Variants in ZBTB38 observed in about 807,000 individuals in gnomAD.
ZBTB38 encodes zinc finger and BTB domain-containing protein 38.
A neutral mutation model predicts 76.8 loss-of-function variants in ZBTB38; 20 were observed. The observed-to-expected ratio is 0.26, with a 90% CI of 0.18 to 0.38. The LOEUF (loss-of-function observed/expected upper bound fraction) is 0.38, where lower values mean the gene tolerates loss of function less well. ZBTB38 is among the 10% of genes least tolerant of loss of function. The pLI is 1.00. For synonymous variants in ZBTB38, 504 were observed against 544.2 expected (o/e 0.93, Z 1.03); for missense variants, 1,082 against 1,482.3 (o/e 0.73, Z 4.43).
At chr3:141,426,129 G>C in intron 5 of ZBTB38, 1 of 1,289,256 alleles carries the variant, frequency 7.8e-7, no homozygotes, top group Non-Finnish European at 1.0e-6. Flanking sequence ...TCTCAGACAG[G>C]CTGCCCAGAG....
At chr3:141,410,748 C>G (rs1055381925) in intron 5 of ZBTB38, among the ~76,000 whole-genome samples, 16 of 152,184 alleles carry the variant, frequency 1.1e-4, no homozygotes, top group Non-Finnish European at 2.1e-4. Context: ...TTCCATCTTA[C>G]AAAAGCATTT....
intron 4 of ZBTB38, among the ~76,000 whole-genome samples, chr3:141,390,964 G>A (rs1482358858): frequency 6.6e-6 from 1 of 152,112 alleles, no homozygotes; most frequent in Non-Finnish European, 1.5e-5. Flanking sequence ...AGACCAGCCT[G>A]GGCAACATAG....
chr3:141,420,464 A>T (rs767795833), intron 5 of ZBTB38, among the ~76,000 whole-genome samples: 3 of 152,192 alleles, frequency 2.0e-5, no homozygotes, highest in Non-Finnish European at 4.4e-5. Context: ...TCTGGATCTG[A>T]GTTCAAGAGC....
intron 1 of ZBTB38, among the ~76,000 whole-genome samples, chr3:141,360,693 C>A (rs1248080432): frequency 2.6e-5 from 4 of 152,114 alleles, no homozygotes; most frequent in African/African-American, 9.7e-5. Context: ...GATTTCTTCA[C>A]CTCGGCACTA....
chr3:141,394,013 CTTTCTT>C (rs1949697595), intron 4 of ZBTB38, among the ~76,000 whole-genome samples: 1 of 115,842 alleles, frequency 8.6e-6, no homozygotes, highest in African/African-American at 4.9e-5. Context: ...TCTTTCTTTT[CTTTCTT>C]TTTTTTTTTT....
At chr3:141,356,349 C>G (rs1174926082) in intron 1 of ZBTB38, among the ~76,000 whole-genome samples, 1 of 152,078 alleles carries the variant, frequency 6.6e-6, no homozygotes, top group Non-Finnish European at 1.5e-5. Context: ...CCTCGCCCAG[C>G]CTTGCATCCT....
rs193050787 is a variant in ZBTB38, at chr3:141,444,810, A to T, written c.2422A>T (p.Ile808Phe). The change falls in exon 6 of 6, where the codon ATT becomes TTT. Residue 808 changes from isoleucine (I) to phenylalanine (F), a missense_variant. Ile to Phe is a conservative substitution (Grantham distance 21, BLOSUM62 0). Transcript: ENST00000321464. This position sits in a 1 kb window ranked among gnomAD's most constrained non-coding sequence, Gnocchi z 5.1. ...PGGSLSKTTN[I>F]AEETSKIETY... The stretch of plus-strand genomic sequence containing the variant: ...AGGATCACTGAGCAAAACCACAAAT[A>T]TTGCTGAAGAAACCAGCAAAATTGA... 1 of 1,614,154 alleles carries T rather than the reference A, an allele frequency of 6.2e-7. No individual in the cohort carries two copies. The highest frequency in any genetic ancestry group is 2.2e-5 in the East Asian group (1 of 44,886).
chr3:141,379,453 T>C (rs905439003), intron 2 of ZBTB38, among the ~76,000 whole-genome samples: 1 of 152,220 alleles, frequency 6.6e-6, no homozygotes, highest in African/African-American at 2.4e-5. Flanking sequence ...ACCCCAGGAC[T>C]GGCCTCAGCC....
Position 141,431,335 on chromosome 3 carries a change from A to AT in ZBTB38, c.1-11054_1-11053insT, listed in dbSNP as rs1185607775. Among the ~76,000 whole-genome samples, 450 of 101,504 alleles carry AT rather than the reference A, an allele frequency of 4.4e-3. 21 individuals are homozygous for AT. The highest frequency in any genetic ancestry group is 0.025 in the African/African-American group (417 of 16,464). 66.6% of individuals were successfully genotyped at this position (101,504 alleles called of 152,430 possible). ...CGAGACTTCGTCTCAAAAAAAAAAA[A>AT]AAAAAAATATATATATATATTTGGG... is the stretch of plus-strand genomic sequence containing the variant. On this transcript the variant is annotated intron_variant, in intron 5 of 5. Transcript: ENST00000321464.
chr3:141,356,826 C>A (rs1434069992), intron 1 of ZBTB38, among the ~76,000 whole-genome samples: 2 of 152,122 alleles, frequency 1.3e-5, no homozygotes, highest in Non-Finnish European at 2.9e-5. Flanking sequence ...TCTTAATAAG[C>A]GTATTCTATA....
chr3:141,400,150 C>T (rs1315703229), intron 4 of ZBTB38, among the ~76,000 whole-genome samples: 4 of 152,010 alleles, frequency 2.6e-5, no homozygotes, highest in Non-Finnish European at 4.4e-5. Flanking sequence ...GATAGTTCCC[C>T]ATACTCAGAA....
intron 1 of ZBTB38, among the ~76,000 whole-genome samples, chr3:141,337,526 A>G (rs182637603): frequency 6.6e-6 from 1 of 152,348 alleles, no homozygotes. Context: ...TAGTATCTCT[A>G]AGCCTGGGTA....
chr3:141,400,857 T>C (rs1013859134), intron 4 of ZBTB38, among the ~76,000 whole-genome samples: 2 of 152,214 alleles, frequency 1.3e-5, no homozygotes, highest in Non-Finnish European at 2.9e-5. Flanking sequence ...AAAGTGGCCT[T>C]GTAAGCAACA....
In ZBTB38 at chr3:141,442,127, C is replaced by A. The variant is rs868434040; in HGVS notation, c.1-262C>A. 1.3e-5 allele frequency among the ~76,000 whole-genome samples: 2 copies of A among 151,228 alleles called. No homozygotes were observed. Among genetic ancestry groups the A allele is most frequent in the African/African-American group, 4.9e-5 (2 of 41,148 alleles). ...CAAATTTGGACATGTATATATAGCT[C>A]CAACTTTGGAGAAAAGGGGAAGGAG... On this transcript the variant is annotated intron_variant, in intron 5 of 5. Transcript: ENST00000321464. This position sits in a 1 kb window ranked among gnomAD's most constrained non-coding sequence, Gnocchi z 6.4.
chr3:141,369,792 T>C (rs900026620), intron 1 of ZBTB38, 80 bp from the exon 2 acceptor site: 10 of 152,342 alleles, frequency 6.6e-5, no homozygotes, highest in African/African-American at 2.2e-4. Context: ...ACAACTCCCT[T>C]TGGAAATTAA....
chr3:141,399,127 C>CT (rs34466132), intron 4 of ZBTB38, among the ~76,000 whole-genome samples: 70,717 of 145,104 alleles, frequency 0.49, 19,008 homozygotes, highest in African/African-American at 0.75. Flanking sequence ...ATTTATATTC[C>CT]TTTTTTTTTT....
chr3:141,371,061 T>A (rs939647060), intron 2 of ZBTB38, among the ~76,000 whole-genome samples: 1 of 130,972 alleles, frequency 7.6e-6, no homozygotes, highest in Non-Finnish European at 1.6e-5. Context: ...TTTTTTTTTT[T>A]TTTTTTTTTT....
rs1361409838 is a variant in ZBTB38, at chr3:141,445,143, T to TACTACAACTA, written c.2756_2765dup (p.Tyr922Ter). 6.2e-7 allele frequency: 1 copy of TACTACAACTA among 1,613,838 alleles called. No individual in the cohort carries two copies. Among genetic ancestry groups the TACTACAACTA allele is most frequent in the Non-Finnish European group, 8.5e-7 (1 of 1,180,008 alleles). Reference sequence around the variant, plus strand: ...TTCCACTGACAAACCGTGGCGCCCTTACTACAACTACAAACCCAAAAAGAA... The same window carrying TACTACAACTA: ...TTCCACTGACAAACCGTGGCGCCCTTACTACAACTAACTACAACTACAAACCCAAAAAGAA... On this transcript the variant is annotated stop_gained and frameshift_variant, in exon 6 of 6. Transcript: ENST00000321464. LOFTEE classifies it high-confidence loss of function. The surrounding 1 kb of genome is among the most constrained non-coding windows in gnomAD (Gnocchi z 6.5).
intron 1 of ZBTB38, among the ~76,000 whole-genome samples, chr3:141,340,259 G>A (rs189742257): frequency 7.2e-5 from 11 of 152,252 alleles, no homozygotes; most frequent in Non-Finnish European, 1.0e-4. Flanking sequence ...AGTCCAAAGC[G>A]TTCATATTCT....
Sources: gnomAD v4.1 joint callset for allele counts (sites outside exome capture counted in the v4.1 genomes callset) on GRCh38, gnomAD v4.1.1 for gene constraint, Gnocchi (gnomAD v3.1) non-coding constraint, MANE v1.5 for transcripts, NCBI Gene and HGNC (gene_info 2026-07-23, HGNC 2026-07-21) for gene names.